Variants in KCNN3 observed in about 807,000 individuals in gnomAD.
The protein encoded by KCNN3 is potassium calcium-activated channel subfamily N member 3.
Under a neutral mutation model 62.9 loss-of-function variants are expected in KCNN3, and 16 were observed. The ratio of observed to expected loss-of-function variants is 0.25; its 90% CI spans 0.17 to 0.39. The LOEUF (loss-of-function observed/expected upper bound fraction) is 0.39, where lower values mean the gene tolerates loss of function less well. Ranked by LOEUF, KCNN3 falls within the 10% of genes least tolerant of loss-of-function variation. KCNN3 has a pLI of 1.00. For synonymous variants in KCNN3, 370 were observed against 389.2 expected (o/e 0.95, Z 0.58); for missense variants, 599 against 949.4 (o/e 0.63, Z 4.85).
chr1:154,725,152 C>A (rs1347223706), intron 5 of KCNN3, among the ~76,000 whole-genome samples: 2 of 152,166 alleles, frequency 1.3e-5, no homozygotes, highest in Admixed American at 1.3e-4. Context: ...CCGCTCCCAG[C>A]ATAGAATGAT....
At chr1:154,718,428 T>C (rs1363376566) in intron 5 of KCNN3, among the ~76,000 whole-genome samples, 1 of 152,260 alleles carries the variant, frequency 6.6e-6, no homozygotes, top group South Asian at 2.1e-4. Context: ...GAGTGCTTAC[T>C]ACGTGCCAGG....
intron 1 of KCNN3, among the ~76,000 whole-genome samples, chr1:154,843,432 C>T (rs1459152462): frequency 6.6e-6 from 1 of 152,162 alleles, no homozygotes; most frequent in South Asian, 2.1e-4. Context: ...TATCCTCAGT[C>T]CCAGCCTCAG....
intron 5 of KCNN3, among the ~76,000 whole-genome samples, chr1:154,724,925 C>T (rs539200054): frequency 2.7e-5 from 4 of 150,864 alleles, no homozygotes; most frequent in South Asian, 2.1e-4. Context: ...GGCGCGATCT[C>T]GGTTCACTGC....
chr1:154,844,708 CA>C (rs1651977103), intron 1 of KCNN3, among the ~76,000 whole-genome samples: 1 of 152,212 alleles, frequency 6.6e-6, no homozygotes, highest in Admixed American at 6.5e-5. Flanking sequence ...TCATTTTAGA[CA>C]TGAGGAAACT....
rs1428257873 is a variant in KCNN3, at chr1:154,702,023, A to G, written c.*5953T>C. The G allele has an allele frequency of 6.6e-6, 1 of 152,214 alleles. No individual in the cohort carries two copies. The highest frequency in any genetic ancestry group is 2.4e-5 in the African/African-American group (1 of 41,450). 9.4% of individuals were successfully genotyped at this position (152,214 alleles called of 1,614,324 possible). A position where few individuals can be genotyped will look rare whatever the true frequency, so the allele number is the denominator to read the frequency against. On this transcript the variant is annotated 3_prime_UTR_variant, in exon 8 of 8. Transcript: ENST00000271915. ...TTTATTAAACTGGCTTTGCAGAGCT[A>G]CTAAAGGAGTGATGGCTTTTAAAAT...
At chr1:154,759,112 A>C (rs1647882718) in intron 3 of KCNN3, among the ~76,000 whole-genome samples, 2 of 152,184 alleles carry the variant, frequency 1.3e-5, no homozygotes, top group Non-Finnish European at 2.9e-5. Context: ...CCGGCCAAAA[A>C]AAATCACATT....
At chr1:154,790,664 A>T (rs577916163) in intron 2 of KCNN3, among the ~76,000 whole-genome samples, 1 of 152,298 alleles carries the variant, frequency 6.6e-6, no homozygotes, top group African/African-American at 2.4e-5. Flanking sequence ...CAAAATTCAA[A>T]ATTCAAAGTA....
intron 1 of KCNN3, among the ~76,000 whole-genome samples, chr1:154,861,578 C>T (rs763195617): frequency 3.9e-5 from 6 of 152,142 alleles, no homozygotes; most frequent in Admixed American, 6.5e-5. Context: ...CTGCCCGAGC[C>T]CCTCCCATCA....
chr1:154,709,122 A>G (rs1020438101), intron 7 of KCNN3, among the ~76,000 whole-genome samples: 1 of 152,092 alleles, frequency 6.6e-6, no homozygotes, highest in Non-Finnish European at 1.5e-5. Context: ...CCCGTGTTCC[A>G]GGGGTGCCGG....
intron 1 of KCNN3, among the ~76,000 whole-genome samples, chr1:154,865,517 C>T (rs1652917690): frequency 1.3e-5 from 2 of 152,194 alleles, no homozygotes; most frequent in Non-Finnish European, 1.5e-5. Flanking sequence ...GCCCCACCTC[C>T]CTGCTCCAGG....
Position 154,772,473 on chromosome 1 carries a change from G to T in KCNN3, c.1030-80C>A, listed in dbSNP as rs993275799. 23 of 1,408,616 alleles carry T rather than the reference G, an allele frequency of 1.6e-5. No individual in the cohort carries two copies. The highest frequency in any genetic ancestry group is 2.1e-5 in the Non-Finnish European group (21 of 1,007,794). 87.3% of individuals were successfully genotyped at this position (1,408,616 alleles called of 1,614,324 possible). A position where few individuals can be genotyped will look rare whatever the true frequency, so the allele number is the denominator to read the frequency against. On this transcript the variant is annotated intron_variant, in intron 2 of 7. Coordinates refer to ENST00000271915, the MANE Select transcript of KCNN3 (RefSeq NM_002249.6). The surrounding 1 kb of genome is among the most constrained non-coding windows in gnomAD (Gnocchi z 5.6). ...GGTCCAGGCAGGACAGGTGGGGCAG[G>T]CTGGGGCAGGCTGCTGGGCTCAGGT...
In KCNN3 at chr1:154,738,257, AG is replaced by A. The variant is rs1170832421; in HGVS notation, c.1449-5114del. 2.0e-5 allele frequency among the ~76,000 whole-genome samples: 3 copies of A among 152,186 alleles called. No individual in the cohort carries two copies. The South Asian group carries it at 6.2e-4, about 32-fold the overall frequency. On this transcript the variant is annotated intron_variant, in intron 3 of 7. Coordinates refer to ENST00000271915, the MANE Select transcript of KCNN3 (RefSeq NM_002249.6). The stretch of plus-strand genomic sequence containing the variant: ...AGGGTATAAAAGAGGCCAAATACAA[AG>A]AACCAGAAATTACAACAGCTTCGGA...
At chr1:154,796,963 C>T (rs941326464) in intron 2 of KCNN3, among the ~76,000 whole-genome samples, 5 of 152,110 alleles carry the variant, frequency 3.3e-5, no homozygotes, top group African/African-American at 1.2e-4. Context: ...GTATCTAATC[C>T]CGGTGTGCTT....
At chr1:154,819,458 A>T (rs181804267) in intron 2 of KCNN3, among the ~76,000 whole-genome samples, 5 of 152,334 alleles carry the variant, frequency 3.3e-5, no homozygotes, top group Admixed American at 3.3e-4. Context: ...TAATGCAAAG[A>T]TAACTGTCCC....
At chr1:154,811,708 A>AT (rs536181939) in intron 2 of KCNN3, among the ~76,000 whole-genome samples, 2,512 of 152,208 alleles carry the variant, frequency 0.017, 30 homozygotes, top group Non-Finnish European at 0.027. Context: ...TGATTTTGCC[A>AT]TTTTTTCTCT....
chr1:154,780,566 G>C (rs1019801441), intron 2 of KCNN3, among the ~76,000 whole-genome samples: 4 of 120,334 alleles, frequency 3.3e-5, no homozygotes, highest in East Asian at 2.8e-4. Context: ...ATTTTCTTAA[G>C]ATATATTATT....
In KCNN3 at chr1:154,702,244, G is replaced by A. The variant is rs1286106924; in HGVS notation, c.*5732C>T. 6.6e-6 allele frequency: 1 copy of A among 152,012 alleles called. No homozygotes were observed. The highest frequency in any genetic ancestry group is 1.9e-4 in the East Asian group (1 of 5,184). 9.4% of individuals were successfully genotyped at this position (152,012 alleles called of 1,614,324 possible). A position where few individuals can be genotyped will look rare whatever the true frequency, so the allele number is the denominator to read the frequency against. ...GTACTCAGAAACAGTCATTGGGAGA[G>A]CAGGCTGACAGTGGACCTGCTAAAC... is the stretch of plus-strand genomic sequence containing the variant. On this transcript the variant is annotated 3_prime_UTR_variant, in exon 8 of 8. Transcript: ENST00000271915.
At chr1:154,732,924 G>T (rs1700628481) in intron 4 of KCNN3, 79 bp downstream of exon 4, 5 of 1,526,154 alleles carry the variant, frequency 3.3e-6, no homozygotes, top group East Asian at 2.2e-5. Context: ...GGCTAGGAAG[G>T]CCCCTATGTG....
At chr1:154,793,458 G>A (rs1649601494) in intron 2 of KCNN3, among the ~76,000 whole-genome samples, 1 of 152,198 alleles carries the variant, frequency 6.6e-6, no homozygotes, top group Non-Finnish European at 1.5e-5. Context: ...GCAGCCTAGA[G>A]ACAAAGCCAC....
Sources: allele counts gnomAD v4.1 joint callset (sites outside exome capture counted in the v4.1 genomes callset), GRCh38; gene constraint gnomAD v4.1.1; non-coding constraint Gnocchi (gnomAD v3.1); transcripts MANE v1.5; gene names NCBI Gene and HGNC (gene_info 2026-07-23, HGNC 2026-07-21).